UNC13C: variants seen among roughly 807,000 people sequenced by gnomAD.
UNC13C encodes protein unc-13 homolog C.
A neutral mutation model predicts 245.4 loss-of-function variants in UNC13C; 174 were observed. That is an observed-to-expected ratio of 0.71 (90% CI 0.63 to 0.80). The LOEUF is 0.80. UNC13C is among the 30% of genes least tolerant of loss of function. UNC13C has a pLI of 0.00. For missense variants in UNC13C, 2,829 were observed against 2,602.9 expected (o/e 1.09, Z -1.89); for synonymous variants, 992 against 895.1 (o/e 1.11, Z -1.93).
At chr15:54,280,022 A>G (rs2036934192) in intron 10 of UNC13C, among the ~76,000 whole-genome samples, 1 of 152,172 alleles carries the variant, frequency 6.6e-6, no homozygotes, top group African/African-American at 2.4e-5. Context: ...GTGTTTCTGG[A>G]TAACATTTTA....
intron 2 of UNC13C, among the ~76,000 whole-genome samples, chr15:54,047,712 A>G (rs1000958609): frequency 6.6e-5 from 10 of 152,146 alleles, no homozygotes; most frequent in Non-Finnish European, 1.3e-4. Context: ...ACTTTGGCTT[A>G]TAAGTATCTG....
intron 30 of UNC13C, among the ~76,000 whole-genome samples, chr15:54,572,057 G>T (rs1897779273): frequency 6.6e-6 from 1 of 151,906 alleles, no homozygotes. Context: ...TCCCTCCCCA[G>T]GCAGACCACT....
chr15:54,406,947 A>G (rs2040306613), intron 18 of UNC13C, among the ~76,000 whole-genome samples: 1 of 152,164 alleles, frequency 6.6e-6, no homozygotes, highest in African/African-American at 2.4e-5. Flanking sequence ...GATATATAGA[A>G]TGTCAGGCGT....
intron 2 of UNC13C, among the ~76,000 whole-genome samples, chr15:54,023,519 C>T (rs897037769): frequency 6.6e-6 from 1 of 152,078 alleles, no homozygotes. Context: ...ATGCTAGTCA[C>T]TTGAAAAGAT....
chr15:54,031,965 T>C (rs568508595), intron 2 of UNC13C, among the ~76,000 whole-genome samples: 1 of 152,350 alleles, frequency 6.6e-6, no homozygotes, highest in African/African-American at 2.4e-5. Flanking sequence ...CTTTATGGTC[T>C]GCTGCTTAGG....
chr15:54,374,375 C>A (rs2039559424), intron 17 of UNC13C, among the ~76,000 whole-genome samples: 1 of 152,134 alleles, frequency 6.6e-6, no homozygotes, highest in African/African-American at 2.4e-5. Flanking sequence ...ACCAAGGCAG[C>A]CTCAGTAACC....
intron 19 of UNC13C, among the ~76,000 whole-genome samples, chr15:54,480,984 G>A (rs1022140465): frequency 3.9e-5 from 6 of 152,104 alleles, no homozygotes; most frequent in African/African-American, 1.2e-4. Flanking sequence ...AGGGTCTCAG[G>A]GTACAATGTA....
intron 1 of UNC13C, among the ~76,000 whole-genome samples, chr15:54,001,639 T>G (rs1375292434): frequency 6.6e-6 from 1 of 152,238 alleles, no homozygotes; most frequent in Non-Finnish European, 1.5e-5. Context: ...ACATTTTTAG[T>G]ACTTTTGATG....
intron 7 of UNC13C, among the ~76,000 whole-genome samples, chr15:54,246,414 T>TG (rs1555437097): frequency 3.5e-5 from 1 of 28,312 alleles, no homozygotes; most frequent in East Asian, 8.7e-4. Flanking sequence ...GAAAATAATG[T>TG]TTTTTTTTTT....
chr15:54,202,018 C>G (rs181934474), intron 4 of UNC13C, among the ~76,000 whole-genome samples: 130 of 151,942 alleles, frequency 8.6e-4, no homozygotes, highest in African/African-American at 3.1e-3. Flanking sequence ...TATACACCAG[C>G]AATGAGCAAG....
chr15:54,099,778 G>A (rs1900066583), intron 2 of UNC13C, among the ~76,000 whole-genome samples: 1 of 151,964 alleles, frequency 6.6e-6, no homozygotes, highest in Non-Finnish European at 1.5e-5. Context: ...AAGTAGAAGT[G>A]CGCTTCAATA....
rs566255525 is a variant in UNC13C at position 54,234,460 on chromosome 15, G to A, written c.3072-570G>A. ...ATTATTTAAAGATGCAATAAACATC[G>A]TTCTACAACTACTTATTTTAATTCT... On this transcript the variant is annotated intron_variant, in intron 4 of 32. Coordinates refer to ENST00000260323, the MANE Select transcript of UNC13C (RefSeq NM_001080534.3). Among the ~76,000 whole-genome samples the A allele has an allele frequency of 9.9e-5, 15 of 152,062 alleles. No homozygotes were observed. In the South Asian group the frequency reaches 1.5e-3, roughly 15 times the overall value.
At chr15:54,200,059 A>T (rs1034283865) in intron 4 of UNC13C, among the ~76,000 whole-genome samples, 1 of 147,048 alleles carries the variant, frequency 6.8e-6, no homozygotes, top group African/African-American at 2.4e-5. Flanking sequence ...AACAAACTTT[A>T]AAGCAATAGC....
chr15:54,580,177 GT>G (rs1205900737), intron 30 of UNC13C, among the ~76,000 whole-genome samples: 1 of 152,212 alleles, frequency 6.6e-6, no homozygotes, highest in Non-Finnish European at 1.5e-5. Flanking sequence ...GACCAATGGG[GT>G]CAGTGGCGTT....
In UNC13C at chr15:54,494,693, T is replaced by C. The variant is rs755781616; in HGVS notation, c.5019T>C (p.Arg1673=). The C allele has an allele frequency of 1.8e-5, 29 of 1,611,360 alleles. No individual in the cohort carries two copies. The South Asian group carries it at 3.1e-4, about 17-fold the overall frequency. Residue 1673 remains arginine (R), a synonymous_variant, in exon 20 of 33, where the codon CGT becomes CGC. Transcript: ENST00000260323. The part of the protein sequence containing the change: ...KVKWFYNEYV[R]ELPAFKDAVP... ...AATGGTTTTATAATGAATATGTGCG[T>C]GAACTTCCTGCCTTCAAGGATGCTG...
chr15:53,923,073 A>G, the UNC13C span, among the ~76,000 whole-genome samples: 1 of 152,168 alleles, frequency 6.6e-6, no homozygotes. Flanking sequence ...ATTTGCATTT[A>G]TATGTTTGTT....
chr15:54,136,149 C>A (rs1051276595), intron 2 of UNC13C, among the ~76,000 whole-genome samples: 1 of 151,766 alleles, frequency 6.6e-6, no homozygotes, highest in Non-Finnish European at 1.5e-5. Flanking sequence ...TTAAAAATTT[C>A]TTTTTCAAGA....
At chr15:53,926,676 T>G in the UNC13C span, among the ~76,000 whole-genome samples, 1 of 152,184 alleles carries the variant, frequency 6.6e-6, no homozygotes, top group South Asian at 2.1e-4. Flanking sequence ...ATAATAGAGA[T>G]ATCTGCCAGA....
At chr15:54,042,575 C>A (rs555550532) in intron 2 of UNC13C, among the ~76,000 whole-genome samples, 1 of 151,952 alleles carries the variant, frequency 6.6e-6, no homozygotes, top group Non-Finnish European at 1.5e-5. Context: ...TTACTGAGGC[C>A]GGGTGTGGTG....
Sources: allele counts gnomAD v4.1 joint callset (sites outside exome capture counted in the v4.1 genomes callset), GRCh38; gene constraint gnomAD v4.1.1; transcripts MANE v1.5; gene names NCBI Gene and HGNC (gene_info 2026-07-23, HGNC 2026-07-21).